ZBTB7C: variants seen among roughly 807,000 people sequenced by gnomAD.
ZBTB7C encodes zinc finger and BTB domain containing 7C.
Under a neutral mutation model 25.7 loss-of-function variants are expected in ZBTB7C, and 8 were observed. That is an observed-to-expected ratio of 0.31 (90% CI 0.18 to 0.56). The LOEUF (loss-of-function observed/expected upper bound fraction) is 0.56, where lower values mean the gene tolerates loss of function less well. ZBTB7C is among the 20% of genes least tolerant of loss of function. The probability of loss-of-function intolerance (pLI) is 0.91; values close to 1 mark genes in which losing one functional copy is unlikely to be tolerated. For synonymous variants in ZBTB7C, 394 were observed against 369.0 expected, an observed-to-expected ratio of 1.07 and a Z score of -0.78; for missense variants, 824 against 855.2, an observed-to-expected ratio of 0.96 and a Z score of 0.46.
intron 3 of ZBTB7C, among the ~76,000 whole-genome samples, chr18:48,091,900 C>T (rs1470956187): frequency 6.6e-6 from 1 of 152,216 alleles, no homozygotes; most frequent in Non-Finnish European, 1.5e-5. Context: ...TGTGTATTCA[C>T]ACTTAGGCCA....
chr18:48,074,289 C>T (rs1315175138), intron 3 of ZBTB7C, among the ~76,000 whole-genome samples: 2 of 152,220 alleles, frequency 1.3e-5, no homozygotes, highest in Non-Finnish European at 2.9e-5. Context: ...GCTGGGATTA[C>T]AGATGTGAGC....
intron 2 of ZBTB7C, among the ~76,000 whole-genome samples, chr18:48,292,095 G>A (rs1033784830): frequency 6.6e-6 from 1 of 152,054 alleles, no homozygotes; most frequent in Non-Finnish European, 1.5e-5. Context: ...CTACTTGGGA[G>A]GCTGAGGCAG....
intron 3 of ZBTB7C, among the ~76,000 whole-genome samples, chr18:48,055,017 A>G (rs2036855726): frequency 6.6e-6 from 1 of 152,142 alleles, no homozygotes; most frequent in African/African-American, 2.4e-5. Context: ...GTGTAAGTCT[A>G]TAGAAAATAC....
chr18:48,200,764 C>T (rs1475657819), intron 2 of ZBTB7C, among the ~76,000 whole-genome samples: 3 of 152,240 alleles, frequency 2.0e-5, no homozygotes, highest in Non-Finnish European at 4.4e-5. Context: ...CTCCACACAA[C>T]AGCATCTAAA....
At chr18:48,312,388 T>A (rs2045842434) in intron 2 of ZBTB7C, among the ~76,000 whole-genome samples, 1 of 152,190 alleles carries the variant, frequency 6.6e-6, no homozygotes, top group Non-Finnish European at 1.5e-5. Context: ...ATGAGTCATA[T>A]CATCCCTTGT....
chr18:48,373,241 T>C (rs1160427322), intron 1 of ZBTB7C, among the ~76,000 whole-genome samples: 1 of 151,712 alleles, frequency 6.6e-6, no homozygotes, highest in Non-Finnish European at 1.5e-5. Flanking sequence ...TTTGTGATAG[T>C]GAGTTCTCAC....
chr18:48,275,003 T>C (rs1282181008), intron 2 of ZBTB7C, among the ~76,000 whole-genome samples: 1 of 152,220 alleles, frequency 6.6e-6, no homozygotes, highest in Non-Finnish European at 1.5e-5. Context: ...GGACTTACTC[T>C]GGGGGCTTCG....
intron 4 of ZBTB7C, among the ~76,000 whole-genome samples, chr18:48,031,936 G>A (rs968427503): frequency 6.6e-6 from 1 of 152,134 alleles, no homozygotes; most frequent in Non-Finnish European, 1.5e-5. Context: ...AGTCCTGAGG[G>A]ATATGTCTTG....
At chr18:48,206,011 C>T (rs138762978) in intron 2 of ZBTB7C, among the ~76,000 whole-genome samples, 1 of 152,272 alleles carries the variant, frequency 6.6e-6, no homozygotes, top group East Asian at 1.9e-4. Context: ...CCAAAGGAGA[C>T]TCTAGATTCA....
At chr18:48,157,163 G>T (rs1311358600) in intron 3 of ZBTB7C, among the ~76,000 whole-genome samples, 1 of 152,158 alleles carries the variant, frequency 6.6e-6, no homozygotes. Flanking sequence ...CCTATAACCT[G>T]GGGGTACTCT....
At chr18:48,333,070 C>A (rs1385054110) in intron 2 of ZBTB7C, among the ~76,000 whole-genome samples, 2 of 151,678 alleles carry the variant, frequency 1.3e-5, no homozygotes, top group Non-Finnish European at 2.9e-5. Context: ...TGATTTTAAG[C>A]TAATAAGAAC....
intron 1 of ZBTB7C, among the ~76,000 whole-genome samples, chr18:48,340,556 TAAG>T (rs983011953): frequency 1.1e-4 from 17 of 152,108 alleles, no homozygotes; most frequent in Admixed American, 3.3e-4. Flanking sequence ...ACTACACTCT[TAAG>T]AAGCCGGTCA....
chr18:48,201,398 A>C (rs1024755480), intron 2 of ZBTB7C, among the ~76,000 whole-genome samples: 6 of 152,180 alleles, frequency 3.9e-5, no homozygotes, highest in South Asian at 2.1e-4. Flanking sequence ...GTATCTTTAT[A>C]AACTTGATCG....
intron 1 of ZBTB7C, among the ~76,000 whole-genome samples, chr18:48,348,830 CA>C (rs2046799917): frequency 6.6e-6 from 1 of 152,102 alleles, no homozygotes; most frequent in South Asian, 2.1e-4. Context: ...AACAAACAAA[CA>C]AAAAACACAG....
chr18:48,392,094 T>C (rs1034266609), intron 1 of ZBTB7C, among the ~76,000 whole-genome samples: 1 of 152,188 alleles, frequency 6.6e-6, no homozygotes, highest in Non-Finnish European at 1.5e-5. Flanking sequence ...CCACACCAGC[T>C]GGCAAAGGCT....
chr18:48,173,920 G>C (rs1051947943), intron 3 of ZBTB7C, among the ~76,000 whole-genome samples: 4 of 152,154 alleles, frequency 2.6e-5, no homozygotes, highest in African/African-American at 9.7e-5. Context: ...AAAATCAACA[G>C]GGCTTGCTCC....
chr18:48,407,513 G>A (rs2048308098), intron 1 of ZBTB7C, among the ~76,000 whole-genome samples: 1 of 152,196 alleles, frequency 6.6e-6, no homozygotes, highest in South Asian at 2.1e-4. Context: ...TGGGGTGTGG[G>A]GGTGGCATTT....
intron 3 of ZBTB7C, among the ~76,000 whole-genome samples, chr18:48,136,518 C>T (rs2040168883): frequency 6.6e-6 from 1 of 152,208 alleles, no homozygotes; most frequent in South Asian, 2.1e-4. Flanking sequence ...TCCCCCCTCC[C>T]TCCCGTCCCC....
intron 1 of ZBTB7C, among the ~76,000 whole-genome samples, chr18:48,385,854 C>T (rs972464989): frequency 3.9e-5 from 6 of 152,166 alleles, no homozygotes; most frequent in Non-Finnish European, 7.3e-5. Context: ...GACACACGGC[C>T]CATGTGTCTC....
Sources: allele counts gnomAD v4.1 joint callset (sites outside exome capture counted in the v4.1 genomes callset), GRCh38; gene constraint gnomAD v4.1.1; transcripts MANE v1.5; gene names NCBI Gene and HGNC (gene_info 2026-07-23, HGNC 2026-07-21).